ATP8A1: variants seen among roughly 807,000 people sequenced by gnomAD.
ATP8A1 encodes phospholipid-transporting ATPase IA.
In ATP8A1, 90 loss-of-function variants were observed where a neutral mutation model predicts 177.7. The ratio of observed to expected loss-of-function variants is 0.51; its 90% CI spans 0.43 to 0.60. ATP8A1 has a LOEUF of 0.60. Among genes scored for constraint, ATP8A1 ranks in the 20% least tolerant of loss-of-function variants. ATP8A1 has a pLI of 0.00. For synonymous variants in ATP8A1, 493 were observed against 485.9 expected (o/e 1.01, Z -0.19); for missense variants, 1,072 against 1,392.8 (o/e 0.77, Z 3.67).
intron 33 of ATP8A1, among the ~76,000 whole-genome samples, 158 bp from the exon 34 acceptor site, chr4:42,423,863 C>T (rs182828603): frequency 1.3e-5 from 2 of 152,090 alleles, no homozygotes; most frequent in Admixed American, 6.5e-5. Context: ...CTTAGAATAT[C>T]AAAATAAATC....
chr4:42,477,562 G>C (rs1004362661), intron 25 of ATP8A1, among the ~76,000 whole-genome samples: 5 of 152,190 alleles, frequency 3.3e-5, no homozygotes, highest in African/African-American at 9.7e-5. Context: ...AGAGGATATA[G>C]ATTGCAGTAC....
intron 33 of ATP8A1, among the ~76,000 whole-genome samples, chr4:42,425,562 GA>G (rs555427789): frequency 1.6e-3 from 239 of 152,134 alleles, no homozygotes; most frequent in African/African-American, 5.2e-3. Context: ...TTTGGATGAA[GA>G]GGGGGGGAAA....
chr4:42,468,914 A>G (rs916095290), intron 25 of ATP8A1, among the ~76,000 whole-genome samples: 3 of 152,236 alleles, frequency 2.0e-5, no homozygotes, highest in Non-Finnish European at 2.9e-5. Flanking sequence ...AGATTCATAC[A>G]AAATAAAATA....
intron 35 of ATP8A1, among the ~76,000 whole-genome samples, chr4:42,419,761 T>C (rs996501922): frequency 2.0e-5 from 3 of 152,206 alleles, no homozygotes; most frequent in Non-Finnish European, 4.4e-5. Context: ...CCCAGCACTT[T>C]GGGAGGCTGA....
chr4:42,454,106 T>C (rs142705358), intron 29 of ATP8A1, among the ~76,000 whole-genome samples: 2,276 of 152,282 alleles, frequency 0.015, 30 homozygotes, highest in Non-Finnish European at 0.024. Flanking sequence ...AATCCTTCAG[T>C]CTGTCTGTCC....
intron 20 of ATP8A1, among the ~76,000 whole-genome samples, chr4:42,533,087 C>T (rs539855900): frequency 7.2e-5 from 11 of 152,304 alleles, no homozygotes; most frequent in South Asian, 4.1e-4. Context: ...CACGGACGTG[C>T]GTGACATGAA....
chr4:42,415,588 T>C (rs1713153059), intron 35 of ATP8A1, among the ~76,000 whole-genome samples: 1 of 152,212 alleles, frequency 6.6e-6, no homozygotes, highest in Admixed American at 6.5e-5. Context: ...CATTGTTTTA[T>C]AAAATTGTTT....
At chr4:42,548,982 A>T in intron 19 of ATP8A1, 31 bp downstream of exon 19, 1 of 1,536,202 alleles carries the variant, frequency 6.5e-7, no homozygotes, top group South Asian at 1.2e-5. Flanking sequence ...AATTTATCTT[A>T]TCCATACAAA....
At chr4:42,623,788 T>C (rs1737751446) in intron 4 of ATP8A1, among the ~76,000 whole-genome samples, 1 of 152,132 alleles carries the variant, frequency 6.6e-6, no homozygotes, top group Non-Finnish European at 1.5e-5. Flanking sequence ...TGAAATAATC[T>C]GTACAATAAA....
At chr4:42,588,409 C>CTTTAGTG in intron 7 of ATP8A1, 80 bp from the exon 8 acceptor site, 1 of 1,169,078 alleles carries the variant, frequency 8.6e-7, no homozygotes, top group Non-Finnish European at 1.2e-6. Context: ...TGCTCAGACT[C>CTTTAGTG]ACTAAAGCCT....
At chr4:42,543,033 G>A (rs999897414) in intron 20 of ATP8A1, among the ~76,000 whole-genome samples, 1 of 152,058 alleles carries the variant, frequency 6.6e-6, no homozygotes, top group Non-Finnish European at 1.5e-5. Flanking sequence ...TGTTTTAATC[G>A]ATGAGAATAC....
chr4:42,438,758 C>T (rs1234713995), intron 33 of ATP8A1, among the ~76,000 whole-genome samples: 2 of 152,126 alleles, frequency 1.3e-5, no homozygotes, highest in Non-Finnish European at 2.9e-5. Context: ...AAAGAAGGTA[C>T]TGAATTCCTC....
intron 20 of ATP8A1, among the ~76,000 whole-genome samples, chr4:42,527,774 G>A (rs1726830124): frequency 6.6e-6 from 1 of 151,580 alleles, no homozygotes; most frequent in Non-Finnish European, 1.5e-5. Flanking sequence ...GACTAATTTT[G>A]AGTTACAAAA....
intron 4 of ATP8A1, among the ~76,000 whole-genome samples, chr4:42,621,398 A>G (rs947888605): frequency 2.0e-5 from 3 of 152,244 alleles, no homozygotes; most frequent in African/African-American, 7.2e-5. Flanking sequence ...GGAGCGTTCT[A>G]AATTTCTCAC....
At chr4:42,580,434 T>C (rs1170990761) in intron 10 of ATP8A1, among the ~76,000 whole-genome samples, 1 of 152,226 alleles carries the variant, frequency 6.6e-6, no homozygotes, top group Non-Finnish European at 1.5e-5. Flanking sequence ...GGCTTTCAAA[T>C]TTCTGGTGGC....
chr4:42,416,859 A>C (rs1713302186), intron 35 of ATP8A1, among the ~76,000 whole-genome samples: 1 of 152,214 alleles, frequency 6.6e-6, no homozygotes, highest in African/African-American at 2.4e-5. Flanking sequence ...ATAAAAAATC[A>C]ACTAGAACAG....
chr4:42,618,090 C>G (rs937165432), intron 4 of ATP8A1, among the ~76,000 whole-genome samples: 1 of 152,166 alleles, frequency 6.6e-6, no homozygotes, highest in Non-Finnish European at 1.5e-5. Flanking sequence ...TGACAGCACA[C>G]GAATAAACTG....
intron 20 of ATP8A1, among the ~76,000 whole-genome samples, chr4:42,535,581 A>C (rs1339680113): frequency 6.6e-6 from 1 of 152,184 alleles, no homozygotes; most frequent in Non-Finnish European, 1.5e-5. Context: ...ACAAAGAAAC[A>C]ATGGACGTAA....
At chr4:42,472,648 C>T (rs1407774680) in intron 25 of ATP8A1, among the ~76,000 whole-genome samples, 1 of 150,904 alleles carries the variant, frequency 6.6e-6, no homozygotes, top group African/African-American at 2.4e-5. Flanking sequence ...GGATGCTAAG[C>T]CAGGAGAATT....
Sources: allele counts gnomAD v4.1 joint callset (sites outside exome capture counted in the v4.1 genomes callset), GRCh38; gene constraint gnomAD v4.1.1; transcripts MANE v1.5; gene names NCBI Gene and HGNC (gene_info 2026-07-23, HGNC 2026-07-21).